Variants in ASXL3 observed in about 807,000 individuals in gnomAD.
ASXL3 encodes the protein ASXL transcriptional regulator 3.
In ASXL3, 34 loss-of-function variants were observed where a neutral mutation model predicts 170.6. The observed-to-expected ratio is 0.20, with a 90% CI of 0.15 to 0.27. The LOEUF (loss-of-function observed/expected upper bound fraction) is 0.27, where lower values mean the gene tolerates loss of function less well. Ranked by LOEUF, ASXL3 falls within the 10% of genes least tolerant of loss-of-function variation. The pLI is 1.00. For missense variants in ASXL3, 2,592 were observed against 2,695.3 expected (o/e 0.96, Z 0.85); for synonymous variants, 1,002 against 989.1 (o/e 1.01, Z -0.24).
rs527252537 is a variant in ASXL3, at chr18:33,646,262, C to T, written c.264C>T (p.Cys88=). ...TAATACAGAAAGAGGAGTCGTCATGCCCAGCAGATGGCACGTTGGATTTAG... is the reference window on the plus strand; with the variant it reads ...TAATACAGAAAGAGGAGTCGTCATGTCCAGCAGATGGCACGTTGGATTTAG... ...LYALKKEESS[C]PADGTLDLVC... is the part of the protein sequence containing the mutation. Residue 88 remains cysteine, a synonymous_variant, in exon 4 of 12, where the codon TGC becomes TGT. Transcript: ENST00000269197. 6.2e-7 allele frequency: 1 copy of T among 1,611,094 alleles called. No homozygotes were observed. The highest frequency in any genetic ancestry group is 2.2e-5 in the East Asian group (1 of 44,746).
chr18:33,655,917 A>T (rs2145221303), intron 4 of ASXL3, among the ~76,000 whole-genome samples: 1 of 152,218 alleles, frequency 6.6e-6, no homozygotes, highest in African/African-American at 2.4e-5. Context: ...CTCAGGTAGA[A>T]TTAATGGTCT....
rs189260696 is a variant in ASXL3 at position 33,637,981 on chromosome 18, G to A, written c.138-6913G>A. 2.2e-3 allele frequency among the ~76,000 whole-genome samples: 328 copies of A among 152,100 alleles called. 3 individuals are homozygous for A. The highest frequency in any genetic ancestry group is 0.015 in the Admixed American group (235 of 15,248). On this transcript the variant is annotated intron_variant, in intron 2 of 11. Transcript: ENST00000269197. Reference sequence around the variant, plus strand: ...CTGTTGGAGTACAAATTTATTTCAAGATTAGCTTGACATACATAAATAGAG... The same window carrying A: ...CTGTTGGAGTACAAATTTATTTCAAAATTAGCTTGACATACATAAATAGAG...
chr18:33,733,579 T>C (rs1434210498), intron 9 of ASXL3, among the ~76,000 whole-genome samples: 1 of 152,178 alleles, frequency 6.6e-6, no homozygotes, highest in Non-Finnish European at 1.5e-5. Context: ...AGACCTGTTT[T>C]TCTACACAGC....
intron 8 of ASXL3, among the ~76,000 whole-genome samples, chr18:33,684,593 T>C (rs1342720646): frequency 2.0e-5 from 3 of 152,162 alleles, no homozygotes; most frequent in Non-Finnish European, 4.4e-5. Context: ...TTCATTTCAA[T>C]AGGAGTTTTT....
At chr18:33,695,020 CT>C (rs1323937453) in intron 8 of ASXL3, among the ~76,000 whole-genome samples, 1 of 152,132 alleles carries the variant, frequency 6.6e-6, no homozygotes, top group Non-Finnish European at 1.5e-5. Context: ...GGCTTTCCGT[CT>C]TTTCCCTCCG....
Position 33,745,832 on chromosome 18 carries a change from C to T in ASXL3, c.5984C>T (p.Pro1995Leu), listed in dbSNP as rs745794324. The T allele has an allele frequency of 6.2e-7, 1 of 1,613,950 alleles. No individual in the cohort carries two copies. The highest frequency in any genetic ancestry group is 1.1e-5 in the South Asian group (1 of 91,082). The change falls in exon 12 of 12, where the codon CCC (proline) becomes CTC (leucine). Residue 1995 changes from proline to leucine, a missense_variant. Physicochemically the swap from Pro to Leu is moderately conservative, Grantham distance 98. Transcript: ENST00000269197. ...RLANMLSPNM[P>L]MKEGDEVGGT... ...GCCAACATGTTATCCCCCAATATGC[C>T]CATGAAAGAAGGTGATGAGGTGGGA...
In ASXL3 at chr18:33,749,427, A is replaced by G. The variant is rs2067849549; in HGVS notation, c.*2832A>G. On this transcript the variant is annotated 3_prime_UTR_variant, in exon 12 of 12. Coordinates refer to ENST00000269197, the MANE Select transcript of ASXL3 (RefSeq NM_030632.3). The stretch of plus-strand genomic sequence containing the variant: ...TTCTTATCAGGAATAGAACTTGCAC[A>G]TGTACCATACAATTTTTTTTTTTTT... The G allele has an allele frequency of 6.6e-6, 1 of 151,874 alleles. No homozygotes were observed. The highest frequency in any genetic ancestry group is 2.4e-5 in the African/African-American group (1 of 41,314). The allele number at this position is 151,874 out of a possible 1,614,324, so 9.4% of individuals were successfully genotyped here. A position where few individuals can be genotyped will look rare whatever the true frequency, so the allele number is the denominator to read the frequency against.
chr18:33,615,992 A>G lies in ASXL3; in HGVS notation c.137+8316A>G, dbSNP rs2065416287. ...TTAGTTTTGAGTTAAATGGTATAAC[A>G]TTGATTAAATAAGTCATAGTCTGCA... is the stretch of plus-strand genomic sequence containing the variant. On this transcript the variant is annotated intron_variant, in intron 2 of 11. Transcript: ENST00000269197. 2.0e-5 allele frequency among the ~76,000 whole-genome samples: 3 copies of G among 152,308 alleles called. No individual in the cohort carries two copies. In the South Asian group the frequency reaches 6.2e-4, roughly 32 times the overall value.
At chr18:33,601,160 A>C in intron 1 of ASXL3, among the ~76,000 whole-genome samples, 1 of 152,152 alleles carries the variant, frequency 6.6e-6, no homozygotes, top group South Asian at 2.1e-4. Flanking sequence ...TAACTAGTGA[A>C]GTTTACTTAG....
intron 8 of ASXL3, among the ~76,000 whole-genome samples, chr18:33,725,008 G>A (rs1037581389): frequency 1.2e-4 from 18 of 151,900 alleles, no homozygotes; most frequent in African/African-American, 4.1e-4. Flanking sequence ...AGTCTCCTGG[G>A]CCATCTGAAT....
intron 1 of ASXL3, among the ~76,000 whole-genome samples, chr18:33,581,105 C>T (rs1488124993): frequency 6.6e-6 from 1 of 152,004 alleles, no homozygotes; most frequent in African/African-American, 2.4e-5. Context: ...TACGTGAATA[C>T]ATATGGACTT....
intron 4 of ASXL3, among the ~76,000 whole-genome samples, chr18:33,658,771 C>A (rs2066124035): frequency 6.6e-6 from 1 of 151,954 alleles, no homozygotes; most frequent in African/African-American, 2.4e-5. Context: ...CTACCTAGGA[C>A]AGGTATTCTT....
intron 2 of ASXL3, among the ~76,000 whole-genome samples, chr18:33,633,301 C>T (rs1429104733): frequency 6.6e-6 from 1 of 152,066 alleles, no homozygotes; most frequent in Non-Finnish European, 1.5e-5. Flanking sequence ...TTTATTGTAG[C>T]ACTTTTTTCA....
intron 8 of ASXL3, among the ~76,000 whole-genome samples, chr18:33,717,731 T>TA (rs1313722427): frequency 6.6e-6 from 1 of 152,092 alleles, no homozygotes; most frequent in African/African-American, 2.4e-5. Flanking sequence ...TTTATTGTTT[T>TA]TGTTTTGTTT....
chr18:33,713,345 C>T (rs376418333), intron 8 of ASXL3, among the ~76,000 whole-genome samples: 1 of 37,960 alleles, frequency 2.6e-5, no homozygotes, highest in Non-Finnish European at 4.9e-5. Flanking sequence ...ACCTCCACCC[C>T]CCCCCGGGTT....
chr18:33,655,599 A>T (rs1161632836), intron 4 of ASXL3, among the ~76,000 whole-genome samples: 2 of 152,066 alleles, frequency 1.3e-5, no homozygotes, highest in Non-Finnish European at 2.9e-5. Flanking sequence ...ATGTTTTTAG[A>T]AAAGGCAGTT....
At chr18:33,599,667 G>GT (rs1224517983) in intron 1 of ASXL3, among the ~76,000 whole-genome samples, 3 of 152,120 alleles carry the variant, frequency 2.0e-5, no homozygotes, top group Admixed American at 6.6e-5. Flanking sequence ...TTTGCAGCAG[G>GT]TTTTTTTGGG....
chr18:33,609,377 G>A (rs8094019), intron 2 of ASXL3, among the ~76,000 whole-genome samples: 2 of 151,970 alleles, frequency 1.3e-5, no homozygotes, highest in Middle Eastern at 3.4e-3. Flanking sequence ...TTTGAAATTC[G>A]TTCATTAAGA....
At chr18:33,597,549 A>G (rs2065139479) in intron 1 of ASXL3, among the ~76,000 whole-genome samples, 1 of 152,160 alleles carries the variant, frequency 6.6e-6, no homozygotes, top group Non-Finnish European at 1.5e-5. Context: ...TTTGTAAGAA[A>G]AATACCTAAA....
Sources: allele counts gnomAD v4.1 joint callset (sites outside exome capture counted in the v4.1 genomes callset), GRCh38; gene constraint gnomAD v4.1.1; transcripts MANE v1.5; gene names NCBI Gene and HGNC (gene_info 2026-07-23, HGNC 2026-07-21).